Variants in NSD1 observed in about 807,000 individuals in gnomAD.
The protein encoded by NSD1 is histone-lysine N-methyltransferase, H3 lysine-36 specific.
Under a neutral mutation model 242.7 loss-of-function variants are expected in NSD1, and 26 were observed. That is an observed-to-expected ratio of 0.11 (90% confidence interval 0.08 to 0.15). The LOEUF (loss-of-function observed/expected upper bound fraction) is 0.15. NSD1 is among the 10% of genes least tolerant of loss of function. NSD1 has a pLI of 1.00. For missense variants in NSD1, 2,495 were observed against 3,272.8 expected, an observed-to-expected ratio of 0.76 and a Z score of 5.80; for synonymous variants, 1,106 against 1,178.1, an observed-to-expected ratio of 0.94 and a Z score of 1.25.
chr5:177,271,437 G>T (rs906601057), intron 16 of NSD1, among the ~76,000 whole-genome samples: 41 of 152,262 alleles, frequency 2.7e-4, no homozygotes, highest in African/African-American at 9.4e-4. Context: ...TGCAGATGAG[G>T]AAACTGAGGC....
chr5:177,136,945 G>T (rs944974487), intron 2 of NSD1: 1 of 699,762 alleles, frequency 1.4e-6, no homozygotes. Context: ...GCATCAGCTA[G>T]AACTACAGTA....
At chr5:177,233,710 A>T (rs554224176) in intron 5 of NSD1, among the ~76,000 whole-genome samples, 2 of 152,110 alleles carry the variant, frequency 1.3e-5, no homozygotes, top group Middle Eastern at 3.2e-3. Flanking sequence ...TTGGTTTCAC[A>T]AACATTTTAT....
chr5:177,137,070 T>TA, intron 2 of NSD1: 1 of 431,532 alleles, frequency 2.3e-6, no homozygotes, highest in South Asian at 6.5e-5. Context: ...CAAGTATTGT[T>TA]AGAGGGTGAT....
In NSD1 at chr5:177,295,439, GC is replaced by G; in HGVS notation, c.8072del (p.Ala2691GlufsTer70). On this transcript the variant is annotated frameshift_variant, in exon 23 of 23. Coordinates refer to ENST00000439151, the MANE Select transcript of NSD1 (RefSeq NM_022455.5). LOFTEE classifies it high-confidence loss of function. The surrounding 1 kb of genome is among the most constrained non-coding windows in gnomAD (Gnocchi z 4.3). ...LNQAPSSHKCAESEQK is the reference protein window; with the variant it reads ...LNQAPSSHKCXESEQK ...CCAGGCTCCTTCCAGTCACAAGTGT[GC>G]AGAATCAGAACAGAAGTAGTACCAA... 6.2e-7 allele frequency: 1 copy of G among 1,614,048 alleles called. No individual in the cohort carries two copies. The highest frequency in any genetic ancestry group is 8.5e-7 in the Non-Finnish European group (1 of 1,179,958).
chr5:177,140,789 G>A (rs888598677), intron 2 of NSD1, among the ~76,000 whole-genome samples: 1 of 152,168 alleles, frequency 6.6e-6, no homozygotes, highest in Non-Finnish European at 1.5e-5. Context: ...TGATCTGGAG[G>A]CAGATTGGAG....
chr5:177,171,428 G>T (rs1759701610), intron 2 of NSD1, among the ~76,000 whole-genome samples: 1 of 152,030 alleles, frequency 6.6e-6, no homozygotes, highest in African/African-American at 2.4e-5. Flanking sequence ...AGACTCATAT[G>T]AATGAAATTA....
chr5:177,151,025 TAA>T lies in NSD1; in HGVS notation c.927+14996_927+14997del, dbSNP rs139492370. The stretch of plus-strand genomic sequence containing the variant: ...ATAGTTGGTTCAACTGAAAATACGT[TAA>T]GTCTGTTTTTATAATTAGTATATTG... On this transcript the variant is annotated intron_variant, in intron 2 of 22. Coordinates refer to ENST00000439151, the MANE Select transcript of NSD1 (RefSeq NM_022455.5). 5.5e-3 allele frequency among the ~76,000 whole-genome samples: 845 copies of T among 152,354 alleles called. 3 individuals are homozygous for T. Among genetic ancestry groups the T allele is most frequent in the African/African-American group, 0.017 (717 of 41,596 alleles).
chr5:177,189,441 TGAG>T (rs1251971519), intron 2 of NSD1, among the ~76,000 whole-genome samples: 2 of 152,234 alleles, frequency 1.3e-5, no homozygotes, highest in Non-Finnish European at 2.9e-5. Context: ...AGTAGTTCTC[TGAG>T]GAGAAGACAG....
At chr5:177,214,510 A>G in intron 5 of NSD1, among the ~76,000 whole-genome samples, 1 of 152,150 alleles carries the variant, frequency 6.6e-6, no homozygotes, top group Non-Finnish European at 1.5e-5. Flanking sequence ...AATCCATGAC[A>G]ACTAACATTC....
chr5:177,258,186 G>GT (rs914620332), intron 13 of NSD1, among the ~76,000 whole-genome samples: 3 of 151,364 alleles, frequency 2.0e-5, no homozygotes, highest in African/African-American at 4.9e-5. Context: ...CTCCATGTTG[G>GT]TCAGGCTGGT....
intron 5 of NSD1, among the ~76,000 whole-genome samples, chr5:177,214,668 CTTTT>C (rs35392696): frequency 7.3e-5 from 9 of 123,686 alleles, no homozygotes; most frequent in Admixed American, 8.3e-5. Flanking sequence ...ACAGGATCAC[CTTTT>C]TTTTTTTTTT....
At chr5:177,286,577 A>G (rs1394597290) in intron 20 of NSD1, among the ~76,000 whole-genome samples, 2 of 152,212 alleles carry the variant, frequency 1.3e-5, no homozygotes, top group Admixed American at 6.5e-5. Context: ...TATTATACCT[A>G]TGTTACTTTT....
At chr5:177,285,407 CA>C (rs1241582765) in intron 20 of NSD1, among the ~76,000 whole-genome samples, 1 of 151,204 alleles carries the variant, frequency 6.6e-6, no homozygotes, top group Non-Finnish European at 1.5e-5. Context: ...ACTGAAAATA[CA>C]AAAAAATTAG....
At position 177,191,905 on chromosome 5, in the gene NSD1, A is replaced by G. The variant is rs1232661858; in HGVS notation, c.949A>G (p.Thr317Ala). The change falls in exon 3 of 23, where the codon ACG becomes GCG. Residue 317 changes from threonine (T) to alanine (A), a missense_variant. Thr to Ala is a moderately conservative substitution (Grantham distance 58). This residue lies in a region of NSD1 where 376 missense variants were observed against 367.4 expected (regional missense o/e 1.02). Transcript: ENST00000439151. ...LPFCQPKKKS[T>A]PLKYEVGDLI... ...AAAGTGTCAACCTAAGAAAAAGTCT[A>G]CGCCACTGAAGTATGAAGTTGGAGA... The G allele has an allele frequency of 3.1e-6, 5 of 1,614,022 alleles. No homozygotes were observed. The highest frequency in any genetic ancestry group is 1.3e-5 in the African/African-American group (1 of 74,928).
intron 3 of NSD1, among the ~76,000 whole-genome samples, chr5:177,195,574 C>G (rs886183430): frequency 1.3e-5 from 2 of 152,120 alleles, no homozygotes. Flanking sequence ...GTCAAGCGAT[C>G]TTCCCTCCTG....
intron 2 of NSD1, among the ~76,000 whole-genome samples, chr5:177,161,746 TG>T (rs1758774485): frequency 6.6e-6 from 1 of 151,462 alleles, no homozygotes; most frequent in South Asian, 2.1e-4. Context: ...GGCATGATCT[TG>T]GCACACTTGC....
At chr5:177,162,439 A>G (rs1323932188) in intron 2 of NSD1, among the ~76,000 whole-genome samples, 1 of 152,104 alleles carries the variant, frequency 6.6e-6, no homozygotes, top group Non-Finnish European at 1.5e-5. Context: ...TCTGTCACGC[A>G]GGCTGGAGTT....
chr5:177,287,737 G>A (rs77770966), intron 20 of NSD1, among the ~76,000 whole-genome samples: 2,783 of 152,274 alleles, frequency 0.018, 33 homozygotes, highest in Non-Finnish European at 0.028. Flanking sequence ...TGACCCTCCC[G>A]TTAACATTGG....
rs1265388422 is a variant in NSD1 at position 177,210,428 on chromosome 5, T to A, written c.2029T>A (p.Ser677Thr). Residue 677 changes from serine (S) to threonine (T), a missense_variant, in exon 5 of 23, where the codon TCT becomes ACT. Transcript: ENST00000439151. ...TTTCGATAGAACAGAGAACATGTTA[T>A]CTATGCAGAAAAATGAAAAGATAAA... Reference protein sequence around the residue: ...DAFDRTENMLSMQKNEKIKYS... With the variant: ...DAFDRTENMLTMQKNEKIKYS... 5 of 1,614,178 alleles carry A rather than the reference T, an allele frequency of 3.1e-6. No individual in the cohort carries two copies. The highest frequency in any genetic ancestry group is 4.2e-6 in the Non-Finnish European group (5 of 1,180,034).
Sources: gnomAD v4.1 joint callset for allele counts (sites outside exome capture counted in the v4.1 genomes callset) on GRCh38, gnomAD v4.1.1 for gene constraint, gnomAD v4.1.1 regional missense constraint, Gnocchi (gnomAD v3.1) non-coding constraint, MANE v1.5 for transcripts, NCBI Gene and HGNC (gene_info 2026-07-23, HGNC 2026-07-21) for gene names.